The following ZNF804B variants were observed in gnomAD, a reference collection of about 807,000 sequenced individuals.
ZNF804B encodes zinc finger protein 804B.
Under a neutral mutation model 101.4 loss-of-function variants are expected in ZNF804B, and 80 were observed. That is an observed-to-expected ratio of 0.79 (90% CI 0.66 to 0.95). The LOEUF (loss-of-function observed/expected upper bound fraction) is 0.95, where lower values mean the gene tolerates loss of function less well. ZNF804B is among the 40% of genes least tolerant of loss of function. The probability of loss-of-function intolerance (pLI) is 0.00; values close to 1 mark genes in which losing one functional copy is unlikely to be tolerated. For synonymous variants in ZNF804B, 622 were observed against 558.8 expected, an observed-to-expected ratio of 1.11 and a Z score of -1.59; for missense variants, 1,673 against 1,561.9, an observed-to-expected ratio of 1.07 and a Z score of -1.20.
chr7:88,894,216 C>A (rs1792252327), intron 1 of ZNF804B, among the ~76,000 whole-genome samples: 1 of 151,558 alleles, frequency 6.6e-6, no homozygotes. Flanking sequence ...ACTATGCAAT[C>A]CCTTTTTTTT....
chr7:89,251,586 G>A (rs1216115031), intron 2 of ZNF804B, among the ~76,000 whole-genome samples: 1 of 151,954 alleles, frequency 6.6e-6, no homozygotes, highest in African/African-American at 2.4e-5. Flanking sequence ...CACAGAGCTA[G>A]AAAAAAACTA....
chr7:89,007,023 G>C (rs1228675808), intron 1 of ZNF804B, among the ~76,000 whole-genome samples: 1 of 152,002 alleles, frequency 6.6e-6, no homozygotes, highest in South Asian at 2.1e-4. Flanking sequence ...GCTGGGACAC[G>C]ACCTTCAGCA....
At chr7:88,866,741 AATAG>A (rs1791732595) in intron 1 of ZNF804B, among the ~76,000 whole-genome samples, 1 of 152,204 alleles carries the variant, frequency 6.6e-6, no homozygotes, top group Non-Finnish European at 1.5e-5. Flanking sequence ...ATGAAAAAAT[AATAG>A]ATCATTGTTC....
intron 2 of ZNF804B, among the ~76,000 whole-genome samples, chr7:89,273,333 CA>C (rs1388168792): frequency 3.5e-5 from 3 of 86,820 alleles, no homozygotes; most frequent in Non-Finnish European, 8.4e-5. Flanking sequence ...TTCTTTCTTT[CA>C]AAAAAATGGT....
intron 2 of ZNF804B, among the ~76,000 whole-genome samples, chr7:89,298,202 G>T (rs1183327682): frequency 6.4e-5 from 3 of 46,814 alleles, no homozygotes; most frequent in African/African-American, 9.7e-5. Context: ...TATCTATATA[G>T]TGTGTGTGTG....
chr7:88,773,414 T>A (rs1039316941), intron 1 of ZNF804B, among the ~76,000 whole-genome samples: 3 of 137,988 alleles, frequency 2.2e-5, no homozygotes, highest in African/African-American at 2.9e-5. Context: ...TCATTCATTC[T>A]GTCAGTCAGT....
At chr7:88,923,200 G>T (rs1311794091) in intron 1 of ZNF804B, among the ~76,000 whole-genome samples, 1 of 152,040 alleles carries the variant, frequency 6.6e-6, no homozygotes, top group Non-Finnish European at 1.5e-5. Context: ...GAGAGAGTGA[G>T]TGTTCCTTAC....
intron 1 of ZNF804B, among the ~76,000 whole-genome samples, chr7:89,098,088 T>C (rs1033769315): frequency 6.6e-6 from 1 of 152,042 alleles, no homozygotes; most frequent in Non-Finnish European, 1.5e-5. Flanking sequence ...TTCTTTAAGG[T>C]AGGAACAATT....
At chr7:88,884,734 A>C (rs1419794055) in intron 1 of ZNF804B, among the ~76,000 whole-genome samples, 7 of 151,868 alleles carry the variant, frequency 4.6e-5, no homozygotes, top group Admixed American at 4.6e-4. Flanking sequence ...GTAATTTAAC[A>C]TGTTTTCATG....
intron 1 of ZNF804B, among the ~76,000 whole-genome samples, chr7:89,190,400 T>C (rs1019344330): frequency 6.6e-6 from 1 of 151,726 alleles, no homozygotes; most frequent in South Asian, 2.1e-4. Context: ...ACTGAATTAT[T>C]GTGATTTCTT....
chr7:88,802,028 C>G (rs1194942427), intron 1 of ZNF804B, among the ~76,000 whole-genome samples: 2 of 151,976 alleles, frequency 1.3e-5, no homozygotes, highest in African/African-American at 4.8e-5. Context: ...GGGGCAGTTT[C>G]CCTCATGCTG....
At chr7:88,993,599 C>T (rs763896137) in intron 1 of ZNF804B, among the ~76,000 whole-genome samples, 1 of 151,964 alleles carries the variant, frequency 6.6e-6, no homozygotes, top group Non-Finnish European at 1.5e-5. Flanking sequence ...TTCTACAAAG[C>T]TTACTATCCA....
chr7:88,824,504 C>G (rs6465160), intron 1 of ZNF804B, among the ~76,000 whole-genome samples: 26,377 of 152,106 alleles, frequency 0.17, 2,371 homozygotes, highest in African/African-American at 0.24. Flanking sequence ...TATCCAGTCT[C>G]AGGTATTTCT....
intron 1 of ZNF804B, among the ~76,000 whole-genome samples, chr7:88,817,372 A>C (rs568599036): frequency 6.6e-6 from 1 of 152,248 alleles, no homozygotes; most frequent in East Asian, 1.9e-4. Flanking sequence ...CTAGAACTTA[A>C]AGTATAATAA....
chr7:88,907,901 C>CT (rs997255921), intron 1 of ZNF804B, among the ~76,000 whole-genome samples: 1 of 151,894 alleles, frequency 6.6e-6, no homozygotes, highest in Non-Finnish European at 1.5e-5. Flanking sequence ...GCTGGTTTAA[C>CT]TTTAATTTTT....
chr7:88,940,429 A>G (rs1389034991), intron 1 of ZNF804B, among the ~76,000 whole-genome samples: 3 of 152,006 alleles, frequency 2.0e-5, no homozygotes, highest in African/African-American at 7.2e-5. Flanking sequence ...TAACCTTAAT[A>G]AATAATACAT....
intron 1 of ZNF804B, among the ~76,000 whole-genome samples, chr7:89,160,911 G>A (rs35821515): frequency 0.41 from 61,757 of 152,030 alleles, 13,137 homozygotes; most frequent in Non-Finnish European, 0.47. Context: ...TCACATAGCT[G>A]ATAAGTAGCA....
chr7:89,223,533 T>C (rs984220535), intron 2 of ZNF804B, among the ~76,000 whole-genome samples: 6 of 151,808 alleles, frequency 4.0e-5, no homozygotes, highest in African/African-American at 1.4e-4. Context: ...TAAAAGAGTA[T>C]GTGATACATA....
chr7:89,296,608 A>T (rs765579609), intron 2 of ZNF804B, among the ~76,000 whole-genome samples: 1 of 152,018 alleles, frequency 6.6e-6, no homozygotes, highest in African/African-American at 2.4e-5. Flanking sequence ...TACATAGGAG[A>T]TCTCAGCGTC....
Sources: allele counts gnomAD v4.1 joint callset (sites outside exome capture counted in the v4.1 genomes callset), GRCh38; gene constraint gnomAD v4.1.1; transcripts MANE v1.5; gene names NCBI Gene and HGNC (gene_info 2026-07-23, HGNC 2026-07-21).